Variants in ALK observed in about 807,000 individuals in gnomAD.
ALK encodes the protein ALK tyrosine kinase receptor.
A neutral mutation model predicts 163.1 loss-of-function variants in ALK; 74 were observed. The observed-to-expected ratio is 0.45, with a 90% CI of 0.38 to 0.55. The LOEUF is 0.55. Among genes scored for constraint, ALK ranks in the 20% least tolerant of loss-of-function variants. The probability of loss-of-function intolerance (pLI) is 0.00; values close to 1 mark genes in which losing one functional copy is unlikely to be tolerated. For missense variants in ALK, 2,063 were observed against 2,105.3 expected, an observed-to-expected ratio of 0.98 and a Z score of 0.39; for synonymous variants, 960 against 843.2, an observed-to-expected ratio of 1.14 and a Z score of -2.40.
chr2:29,705,653 AC>A (rs1678888484), intron 2 of ALK, among the ~76,000 whole-genome samples: 1 of 152,168 alleles, frequency 6.6e-6, no homozygotes, highest in African/African-American at 2.4e-5. Flanking sequence ...CTGTGCCATT[AC>A]TAGCTCCACA....
chr2:29,299,540 G>C (rs1666306127), intron 8 of ALK, among the ~76,000 whole-genome samples: 1 of 152,156 alleles, frequency 6.6e-6, no homozygotes, highest in Non-Finnish European at 1.5e-5. Flanking sequence ...TATTCTCTAA[G>C]ATGAGAATAG....
At chr2:29,620,818 C>A (rs771774192) in intron 3 of ALK, among the ~76,000 whole-genome samples, 3 of 152,170 alleles carry the variant, frequency 2.0e-5, no homozygotes, top group Admixed American at 6.5e-5. Flanking sequence ...GGAGAAAGAA[C>A]GCATACAAAT....
At chr2:29,551,218 T>C (rs1673705432) in intron 3 of ALK, among the ~76,000 whole-genome samples, 1 of 152,196 alleles carries the variant, frequency 6.6e-6, no homozygotes. Context: ...CAGCATTATT[T>C]ACGGGAGTAA....
At chr2:29,732,330 T>G (rs1005850068) in intron 1 of ALK, among the ~76,000 whole-genome samples, 2 of 152,128 alleles carry the variant, frequency 1.3e-5, no homozygotes, top group Non-Finnish European at 1.5e-5. Context: ...TAAAACAAGA[T>G]GCAAAAGTGA....
chr2:29,497,058 G>A (rs915032100), intron 4 of ALK, among the ~76,000 whole-genome samples: 39 of 152,158 alleles, frequency 2.6e-4, no homozygotes, highest in Admixed American at 2.6e-3. Flanking sequence ...ATCACCTGAG[G>A]TGAGGAGTTC....
chr2:29,411,727 C>T (rs1241741705), intron 4 of ALK, among the ~76,000 whole-genome samples: 2 of 152,224 alleles, frequency 1.3e-5, no homozygotes, highest in African/African-American at 2.4e-5. Flanking sequence ...TTGCATTCCT[C>T]TTCCAGTTCC....
In ALK at chr2:29,920,153, A is replaced by G. The variant is rs780271684; in HGVS notation, c.507T>C (p.Asn169=). The change falls in exon 1 of 29, where the codon AAT becomes AAC. Residue 169 remains asparagine (N), a synonymous_variant. Coordinates refer to ENST00000389048, the MANE Select transcript of ALK (RefSeq NM_004304.5). Reference sequence around the variant, plus strand: ...TCCACCAACTGAACAGCTCGCTGAGATTGAACTGGAGCAGCCCCACAGCCG... The same window carrying G: ...TCCACCAACTGAACAGCTCGCTGAGGTTGAACTGGAGCAGCCCCACAGCCG... ...GEAAVGLLQF[N]LSELFSWWIR... The G allele has an allele frequency of 6.2e-7, 1 of 1,613,752 alleles. No homozygotes were observed. The highest frequency in any genetic ancestry group is 1.1e-5 in the South Asian group (1 of 91,088).
At chr2:29,308,399 T>C (rs1287773885) in intron 8 of ALK, among the ~76,000 whole-genome samples, 1 of 152,214 alleles carries the variant, frequency 6.6e-6, no homozygotes, top group Non-Finnish European at 1.5e-5. Context: ...ATAAAGTTCT[T>C]TTATAATCAG....
chr2:29,847,745 A>G (rs957241579), intron 1 of ALK, among the ~76,000 whole-genome samples: 1 of 151,152 alleles, frequency 6.6e-6, no homozygotes, highest in Non-Finnish European at 1.5e-5. Flanking sequence ...ATGGTGTTCC[A>G]TGACAGGCAC....
At chr2:29,375,772 T>G (rs1668739520) in intron 5 of ALK, among the ~76,000 whole-genome samples, 1 of 152,190 alleles carries the variant, frequency 6.6e-6, no homozygotes. Flanking sequence ...TCTGGTTCAG[T>G]GCTCATTCTG....
intron 5 of ALK, among the ~76,000 whole-genome samples, chr2:29,360,657 G>A (rs990940754): frequency 1.3e-5 from 2 of 152,040 alleles, no homozygotes; most frequent in Non-Finnish European, 2.9e-5. Flanking sequence ...GCAGTCTTAG[G>A]GCAGATATGA....
intron 1 of ALK, among the ~76,000 whole-genome samples, chr2:29,823,586 G>A (rs763572381): frequency 6.6e-6 from 1 of 152,178 alleles, no homozygotes; most frequent in Admixed American, 6.5e-5. Flanking sequence ...TGCAGCAAAG[G>A]TGACTCTTGT....
chr2:29,828,113 T>C (rs1017687476), intron 1 of ALK, among the ~76,000 whole-genome samples: 20 of 152,186 alleles, frequency 1.3e-4, no homozygotes, highest in Non-Finnish European at 2.5e-4. Flanking sequence ...TGGCTAGCCA[T>C]ATGTAGAAAG....
At chr2:29,862,923 A>G (rs1167781935) in intron 1 of ALK, among the ~76,000 whole-genome samples, 11 of 152,180 alleles carry the variant, frequency 7.2e-5, no homozygotes. Flanking sequence ...AGATGTATAG[A>G]GCAATGGAAC....
At chr2:29,890,865 C>G (rs753088207) in intron 1 of ALK, 4 of 152,178 alleles carry the variant, frequency 2.6e-5, no homozygotes, top group Non-Finnish European at 5.9e-5. Flanking sequence ...AAGCCCCCAA[C>G]TCATAGCTCA....
chr2:29,518,063 A>AG (rs1279930458), intron 4 of ALK, among the ~76,000 whole-genome samples: 1 of 152,208 alleles, frequency 6.6e-6, no homozygotes, highest in East Asian at 1.9e-4. Context: ...GGTGGGCTGT[A>AG]GGGCTCCCCA....
chr2:29,662,682 G>T (rs371000509), intron 3 of ALK, among the ~76,000 whole-genome samples: 2 of 151,986 alleles, frequency 1.3e-5, no homozygotes, highest in Admixed American at 6.6e-5. Flanking sequence ...GACTTCACCG[G>T]TCCTATCTTT....
chr2:29,411,894 G>A (rs2148322592), intron 4 of ALK, among the ~76,000 whole-genome samples: 1 of 152,320 alleles, frequency 6.6e-6, no homozygotes, highest in Non-Finnish European at 1.5e-5. Flanking sequence ...AGTCATGGAT[G>A]AGCCTCTTGA....
chr2:29,409,980 T>C (rs1017794085), intron 4 of ALK, among the ~76,000 whole-genome samples: 3 of 152,222 alleles, frequency 2.0e-5, no homozygotes, highest in Non-Finnish European at 2.9e-5. Flanking sequence ...CTTGAGCCTT[T>C]ATCTTAATCA....
Sources: allele counts gnomAD v4.1 joint callset (sites outside exome capture counted in the v4.1 genomes callset), GRCh38; gene constraint gnomAD v4.1.1; transcripts MANE v1.5; gene names NCBI Gene and HGNC (gene_info 2026-07-23, HGNC 2026-07-21).